The following EPHB1 variants were observed in gnomAD, a reference collection of about 807,000 sequenced individuals.
EPHB1 encodes EPH receptor B1.
In EPHB1, 30 loss-of-function variants were observed where a neutral mutation model predicts 94.4. That is an observed-to-expected ratio of 0.32 (90% CI 0.24 to 0.43). The LOEUF is 0.43. Ranked by LOEUF, EPHB1 falls within the 20% of genes least tolerant of loss-of-function variation. The probability of loss-of-function intolerance (pLI) is 1.00; values close to 1 mark genes in which losing one functional copy is unlikely to be tolerated. For synonymous variants in EPHB1, 522 were observed against 489.1 expected (o/e 1.07, Z -0.89); for missense variants, 1,055 against 1,308.3 (o/e 0.81, Z 2.99).
intron 3 of EPHB1, among the ~76,000 whole-genome samples, chr3:135,104,759 G>A (rs1453232298): frequency 6.6e-6 from 1 of 152,224 alleles, no homozygotes; most frequent in Non-Finnish European, 1.5e-5. Context: ...CATTTGGGTT[G>A]TGCCATTCCA....
chr3:135,070,971 G>A (rs945452172), intron 3 of EPHB1, among the ~76,000 whole-genome samples: 9 of 152,088 alleles, frequency 5.9e-5, no homozygotes, highest in East Asian at 1.9e-4. Flanking sequence ...ATACTACAGC[G>A]TCACTCTGGC....
rs116504886 is a variant in EPHB1 at position 134,887,603 on chromosome 3, C to T, written c.59-38213C>T. 4.3e-3 allele frequency among the ~76,000 whole-genome samples: 660 copies of T among 152,226 alleles called. 4 individuals carry two copies. Among genetic ancestry groups the T allele is most frequent in the African/African-American group, 0.015 (636 of 41,538 alleles). On this transcript the variant is annotated intron_variant, in intron 1 of 15. Transcript: ENST00000398015. The stretch of plus-strand genomic sequence containing the variant: ...CCATTTATATCTTTTGATACTAACT[C>T]AAAGGATACCAAAACACCTCATTAT...
chr3:135,113,403 A>G (rs1939544775), intron 4 of EPHB1, among the ~76,000 whole-genome samples: 1 of 152,250 alleles, frequency 6.6e-6, no homozygotes, highest in Admixed American at 6.5e-5. Flanking sequence ...AGCCAGGCAC[A>G]CAAGCTAACA....
rs575844077 is a variant in EPHB1, at chr3:135,033,696, G to A, written c.806-72752G>A. On this transcript the variant is annotated intron_variant, in intron 3 of 15. Transcript: ENST00000398015. ...AGAGCTGTCCTTAAGGATATGCAGG[G>A]TAGTATCTTAAAAAATGAGAAATTG... Among the ~76,000 whole-genome samples the A allele has an allele frequency of 5.3e-5, 8 of 152,294 alleles. No individual in the cohort carries two copies. In the East Asian group the frequency reaches 1.2e-3, roughly 22 times the overall value.
chr3:135,107,704 C>T (rs948253517), intron 4 of EPHB1, among the ~76,000 whole-genome samples: 1 of 151,996 alleles, frequency 6.6e-6, no homozygotes, highest in Non-Finnish European at 1.5e-5. Flanking sequence ...TACTTAATTC[C>T]AGCCTTGTAG....
intron 5 of EPHB1, among the ~76,000 whole-genome samples, chr3:135,141,966 AG>A (rs1363727477): frequency 6.6e-6 from 1 of 152,212 alleles, no homozygotes; most frequent in African/African-American, 2.4e-5. Context: ...ATGAGAGTAT[AG>A]TTTGCGAGTA....
At chr3:135,196,984 C>T (rs770859807) in intron 11 of EPHB1, among the ~76,000 whole-genome samples, 6 of 151,850 alleles carry the variant, frequency 4.0e-5, no homozygotes, top group East Asian at 1.9e-4. Context: ...CGGCTGGGCG[C>T]GGTGGCTCAC....
intron 12 of EPHB1, among the ~76,000 whole-genome samples, chr3:135,224,536 T>C (rs1943349751): frequency 6.6e-6 from 1 of 152,246 alleles, no homozygotes; most frequent in South Asian, 2.1e-4. Flanking sequence ...TGTATAGTTA[T>C]GTACAGTATA....
chr3:135,248,801 A>G (rs1292846808), intron 14 of EPHB1, among the ~76,000 whole-genome samples: 2 of 152,082 alleles, frequency 1.3e-5, no homozygotes, highest in Admixed American at 1.3e-4. Context: ...GGACATGGAT[A>G]TTGAGGGTGA....
At chr3:135,112,499 A>G (rs909053743) in intron 4 of EPHB1, among the ~76,000 whole-genome samples, 1 of 149,888 alleles carries the variant, frequency 6.7e-6, no homozygotes, top group Admixed American at 6.6e-5. Context: ...TTAACTTGTC[A>G]TTTAGCATTA....
At chr3:135,009,514 T>G (rs1935547266) in intron 3 of EPHB1, among the ~76,000 whole-genome samples, 1 of 152,182 alleles carries the variant, frequency 6.6e-6, no homozygotes, top group African/African-American at 2.4e-5. Flanking sequence ...CAGGCCTTGG[T>G]GAGCCCAAGC....
intron 1 of EPHB1, among the ~76,000 whole-genome samples, chr3:134,855,444 C>T (rs552713360): frequency 6.6e-6 from 1 of 152,278 alleles, no homozygotes; most frequent in East Asian, 1.9e-4. Context: ...CACAGCCACA[C>T]TGGAAGAAAC....
intron 4 of EPHB1, among the ~76,000 whole-genome samples, chr3:135,108,142 T>C (rs1939294577): frequency 6.6e-6 from 1 of 152,140 alleles, no homozygotes; most frequent in South Asian, 2.1e-4. Flanking sequence ...ACCCCTCAGG[T>C]GCACCTGGAA....
intron 3 of EPHB1, among the ~76,000 whole-genome samples, chr3:135,066,935 C>T (rs1400328128): frequency 6.6e-6 from 1 of 152,156 alleles, no homozygotes; most frequent in African/African-American, 2.4e-5. Flanking sequence ...TCCTGAGAGC[C>T]AGGCTGCAGT....
intron 1 of EPHB1, among the ~76,000 whole-genome samples, chr3:134,850,597 G>A (rs2036960123): frequency 6.6e-6 from 1 of 152,192 alleles, no homozygotes; most frequent in Non-Finnish European, 1.5e-5. Context: ...AGAGGCCTGT[G>A]TCCCAGGCAT....
rs1249586160 is a variant in EPHB1 at position 135,030,189 on chromosome 3, G to A, written c.806-76259G>A. On this transcript the variant is annotated intron_variant, in intron 3 of 15. Transcript: ENST00000398015. ...TTTGAATTTCCTCCCATAGCTCAGA[G>A]TAATTTGATCGTCTGAAGCCTTCTT... 2.6e-5 allele frequency among the ~76,000 whole-genome samples: 4 copies of A among 152,102 alleles called. No individual in the cohort carries two copies. The East Asian group carries it at 7.7e-4, about 29-fold the overall frequency.
At chr3:135,198,953 T>C (rs1194939943) in intron 11 of EPHB1, among the ~76,000 whole-genome samples, 1 of 152,214 alleles carries the variant, frequency 6.6e-6, no homozygotes, top group Non-Finnish European at 1.5e-5. Flanking sequence ...CCTGGACCTT[T>C]CCTCATTTCT....
intron 12 of EPHB1, among the ~76,000 whole-genome samples, chr3:135,236,451 C>G (rs941891497): frequency 1.3e-5 from 2 of 152,074 alleles, no homozygotes; most frequent in Non-Finnish European, 2.9e-5. Flanking sequence ...ACAGTTAGGA[C>G]TTCAACATGT....
chr3:134,925,932 T>C (rs1319551381), intron 2 of EPHB1, 52 bp downstream of exon 2: 2 of 1,490,064 alleles, frequency 1.3e-6, no homozygotes, highest in South Asian at 1.2e-5. Flanking sequence ...CCTGGATCCA[T>C]ATGATATCTA....
Sources: allele counts gnomAD v4.1 joint callset (sites outside exome capture counted in the v4.1 genomes callset), GRCh38; gene constraint gnomAD v4.1.1; transcripts MANE v1.5; gene names NCBI Gene and HGNC (gene_info 2026-07-23, HGNC 2026-07-21).